The following TENM2 variants were observed in gnomAD, a reference collection of about 807,000 sequenced individuals.
TENM2 encodes teneurin-2.
TENM2 carries 52 observed loss-of-function variants against 245.2 expected under a neutral mutation model. The observed-to-expected ratio is 0.21, with a 90% confidence interval of 0.17 to 0.27. The LOEUF is 0.27. Ranked by LOEUF, TENM2 falls within the 10% of genes least tolerant of loss-of-function variation. The probability of loss-of-function intolerance (pLI) is 1.00; values close to 1 mark genes in which losing one functional copy is unlikely to be tolerated. For synonymous variants in TENM2, 1,363 were observed against 1,438.9 expected, an observed-to-expected ratio of 0.95 and a Z score of 1.19; for missense variants, 3,046 against 3,666.8, an observed-to-expected ratio of 0.83 and a Z score of 4.37.
intron 2 of TENM2, among the ~76,000 whole-genome samples, chr5:167,445,331 A>AGG (rs1425509022): frequency 0.05 from 5,034 of 99,878 alleles, 191 homozygotes; most frequent in East Asian, 0.21. Flanking sequence ...ATATATATAT[A>AGG]TATATAGAGA....
intron 2 of TENM2, among the ~76,000 whole-genome samples, chr5:167,432,581 C>T (rs1057280814): frequency 1.3e-5 from 2 of 150,358 alleles, no homozygotes; most frequent in African/African-American, 5.0e-5. Flanking sequence ...ATATACCAAA[C>T]AGCAATAAAT....
intron 3 of TENM2, among the ~76,000 whole-genome samples, chr5:167,926,808 G>A (rs895563805): frequency 6.6e-6 from 1 of 151,788 alleles, no homozygotes; most frequent in African/African-American, 2.4e-5. Context: ...TATGTTGACT[G>A]TGTCGACGTC....
intron 3 of TENM2, among the ~76,000 whole-genome samples, chr5:167,929,546 C>T (rs62384403): frequency 0.041 from 6,165 of 152,182 alleles, 188 homozygotes; most frequent in South Asian, 0.099. Flanking sequence ...AGGATAAGGA[C>T]TATATTTTAG....
intron 2 of TENM2, among the ~76,000 whole-genome samples, chr5:167,541,394 T>C (rs1235964099): frequency 1.3e-5 from 2 of 152,178 alleles, no homozygotes; most frequent in African/African-American, 4.8e-5. Context: ...GGGGAGTCTG[T>C]AGTTTATAAG....
chr5:167,687,971 C>G (rs906044620), intron 2 of TENM2, among the ~76,000 whole-genome samples: 8 of 152,156 alleles, frequency 5.3e-5, no homozygotes, highest in Admixed American at 1.3e-4. Flanking sequence ...AAATTTACAA[C>G]AATAATAGCG....
chr5:167,313,589 C>T (rs1252985374), intron 1 of TENM2, among the ~76,000 whole-genome samples: 1 of 152,060 alleles, frequency 6.6e-6, no homozygotes, highest in African/African-American at 2.4e-5. Context: ...TCTATATGGC[C>T]TATAGCATTT....
chr5:167,763,907 C>G (rs960955765), intron 2 of TENM2, among the ~76,000 whole-genome samples: 1 of 151,842 alleles, frequency 6.6e-6, no homozygotes, highest in Admixed American at 6.6e-5. Flanking sequence ...TCATCCTTGC[C>G]TGGCAAAGAA....
intron 1 of TENM2, among the ~76,000 whole-genome samples, chr5:167,373,946 C>G (rs1273652166): frequency 6.6e-6 from 1 of 152,204 alleles, no homozygotes; most frequent in Non-Finnish European, 1.5e-5. Flanking sequence ...TCTTTGCTCC[C>G]TGTCAGATCA....
At chr5:167,290,024 C>T in intron 1 of TENM2, among the ~76,000 whole-genome samples, 1 of 152,130 alleles carries the variant, frequency 6.6e-6, no homozygotes, top group East Asian at 1.9e-4. Flanking sequence ...ATTTATTTTC[C>T]CACTTCCAGG....
At position 167,350,943 on chromosome 5, in the gene TENM2, A is replaced by T. The variant is rs549585535; in HGVS notation, c.227-24255A>T. 1.0e-4 allele frequency among the ~76,000 whole-genome samples: 8 copies of T among 78,390 alleles called. 1 individual carries two copies. The highest frequency in any genetic ancestry group is 2.0e-4 in the Non-Finnish European group (7 of 35,818). 51.4% of individuals were successfully genotyped at this position (78,390 alleles called of 152,430 possible). On this transcript the variant is annotated intron_variant, in intron 1 of 28. Transcript: ENST00000518659. ...ATATACATATGGATATATATATGGG[A>T]TATATACATATGGATATATATATGG...
the TENM2 span, among the ~76,000 whole-genome samples, chr5:167,019,380 AG>A: frequency 6.6e-6 from 1 of 152,158 alleles, no homozygotes; most frequent in Non-Finnish European, 1.5e-5. Flanking sequence ...GTGGTTGTGG[AG>A]AAATTGTGAA....
intron 1 of TENM2, among the ~76,000 whole-genome samples, chr5:167,363,933 A>T (rs1222801237): frequency 6.6e-6 from 1 of 152,122 alleles, no homozygotes; most frequent in Non-Finnish European, 1.5e-5. Context: ...TATAAATGAA[A>T]TGCAAATTGT....
chr5:167,811,864 CTG>C (rs1157161789), intron 2 of TENM2, among the ~76,000 whole-genome samples: 4 of 152,134 alleles, frequency 2.6e-5, no homozygotes, highest in Non-Finnish European at 4.4e-5. Context: ...ATAATCACAA[CTG>C]TAAAAATTAT....
At chr5:168,161,803 C>T (rs1262026597) in intron 12 of TENM2, among the ~76,000 whole-genome samples, 3 of 140,412 alleles carry the variant, frequency 2.1e-5, no homozygotes, top group African/African-American at 5.8e-5. Flanking sequence ...TGCACAGACA[C>T]GTGAGCGCAT....
intron 3 of TENM2, among the ~76,000 whole-genome samples, chr5:167,929,105 GAAAGAAAGAAAGAAAGAAAGAA>G: frequency 1.0e-5 from 1 of 98,226 alleles, no homozygotes; most frequent in Admixed American, 1.2e-4. Flanking sequence ...AAGAAAGAAA[GAAAGAAAGAAAGAAAGAAAGAA>G]AGAAAAGAAA....
At chr5:168,227,982 A>G (rs1306611818) in exon 25 of TENM2, 9 of 1,613,678 alleles carry the variant, frequency 5.6e-6, no homozygotes, top group Non-Finnish European at 7.6e-6. Flanking sequence ...TTCCACAGCG[A>G]GCCCCATGTC....
At chr5:168,226,208 C>T (rs1263409251) in exon 24 of TENM2, 36 of 1,613,532 alleles carry the variant, frequency 2.2e-5, no homozygotes, top group Admixed American at 5.0e-5. Context: ...GTGATGATGA[C>T]GTCACTGTCA....
chr5:167,335,252 T>G (rs1757689589), intron 1 of TENM2, among the ~76,000 whole-genome samples: 1 of 152,056 alleles, frequency 6.6e-6, no homozygotes, highest in Admixed American at 6.6e-5. Context: ...CCACACATTT[T>G]AAAATGACCA....
At chr5:167,347,332 T>C (rs1297391602) in intron 1 of TENM2, among the ~76,000 whole-genome samples, 7 of 152,152 alleles carry the variant, frequency 4.6e-5, no homozygotes, top group African/African-American at 7.2e-5. Flanking sequence ...TCTGAAAAGA[T>C]AGTCCAGACC....
Sources: allele counts gnomAD v4.1 joint callset (sites outside exome capture counted in the v4.1 genomes callset), GRCh38; gene constraint gnomAD v4.1.1; transcripts MANE v1.5; gene names NCBI Gene and HGNC (gene_info 2026-07-23, HGNC 2026-07-21).